Variants in SRGAP1 observed in about 807,000 individuals in gnomAD.
SRGAP1 encodes the protein SLIT-ROBO Rho GTPase activating protein 1.
In SRGAP1, 43 loss-of-function variants were observed where a neutral mutation model predicts 121.9. The ratio of observed to expected loss-of-function variants is 0.35; its 90% CI spans 0.28 to 0.46. SRGAP1 has a LOEUF of 0.46. Among genes scored for constraint, SRGAP1 ranks in the 20% least tolerant of loss-of-function variants. The pLI, the probability that SRGAP1 is intolerant of heterozygous loss-of-function variation, is 1.00. For missense variants in SRGAP1, 1,102 were observed against 1,350.9 expected (o/e 0.82, Z 2.89); for synonymous variants, 447 against 485.4 (o/e 0.92, Z 1.04).
In SRGAP1 at chr12:64,153,852, A is replaced by G. The variant is rs559781358; in HGVS notation, c.*11180A>G. ...AAACAGAAGAGATATTTGCACACTC[A>G]TGTTCACGCAGCTTAATTCACAATA... On this transcript the variant is annotated 3_prime_UTR_variant, in exon 22 of 22. Coordinates refer to ENST00000355086, the MANE Select transcript of SRGAP1 (RefSeq NM_020762.4). 1 of 152,256 alleles carries G rather than the reference A, an allele frequency of 6.6e-6. No homozygotes were observed. Among genetic ancestry groups the G allele is most frequent in the Non-Finnish European group, 1.5e-5 (1 of 68,048 alleles). 9.4% of individuals were successfully genotyped at this position (152,256 alleles called of 1,614,324 possible).
intron 1 of SRGAP1, among the ~76,000 whole-genome samples, chr12:63,972,057 A>C (rs1458573452): frequency 1.3e-5 from 2 of 152,014 alleles, no homozygotes; most frequent in Non-Finnish European, 1.5e-5. Flanking sequence ...AATCCAATCA[A>C]AGTCTCTAAT....
intron 1 of SRGAP1, among the ~76,000 whole-genome samples, chr12:63,868,512 C>T (rs753368136): frequency 1.6e-4 from 24 of 152,104 alleles, no homozygotes; most frequent in Non-Finnish European, 2.2e-4. Flanking sequence ...AGTAGCTGAG[C>T]GCACCAGCAA....
chr12:64,004,201 G>A (rs2034003416), intron 3 of SRGAP1, among the ~76,000 whole-genome samples: 1 of 152,102 alleles, frequency 6.6e-6, no homozygotes, highest in Non-Finnish European at 1.5e-5. Context: ...CTTAGGGTTT[G>A]CAAGTCCAAA....
At chr12:64,131,500 A>G (rs1183368860) in intron 21 of SRGAP1, among the ~76,000 whole-genome samples, 1 of 152,154 alleles carries the variant, frequency 6.6e-6, no homozygotes, top group Admixed American at 6.6e-5. Flanking sequence ...GATGTCCTAG[A>G]AAGGGGCTGT....
intron 4 of SRGAP1, among the ~76,000 whole-genome samples, chr12:64,037,359 G>A (rs2034924226): frequency 6.6e-6 from 1 of 152,190 alleles, no homozygotes; most frequent in Admixed American, 6.5e-5. Context: ...ACAGGGAAAA[G>A]GCCTTATAAC....
chr12:63,861,203 G>T (rs1899435040), intron 1 of SRGAP1, among the ~76,000 whole-genome samples: 1 of 148,410 alleles, frequency 6.7e-6, no homozygotes. Flanking sequence ...AATAGAGACA[G>T]GGATTCACTA....
intron 1 of SRGAP1, chr12:63,879,002 T>C (rs1282144805): frequency 6.6e-6 from 1 of 152,150 alleles, no homozygotes; most frequent in East Asian, 1.9e-4. Flanking sequence ...TTACTGTTAA[T>C]TTACATTTTT....
chr12:63,850,430 ATT>A (rs11326159), intron 1 of SRGAP1, among the ~76,000 whole-genome samples: 64 of 145,218 alleles, frequency 4.4e-4, no homozygotes, highest in Middle Eastern at 6.9e-3. Flanking sequence ...AAATTGGCCA[ATT>A]TTTTTTTTTT....
intron 1 of SRGAP1, chr12:63,887,272 T>C (rs17099886): frequency 0.076 from 11,591 of 152,322 alleles, 511 homozygotes; most frequent in East Asian, 0.14. Context: ...AGGGAAAATC[T>C]AGCTCATAAG....
chr12:63,885,403 C>T (rs929207826), intron 1 of SRGAP1, among the ~76,000 whole-genome samples: 14 of 152,158 alleles, frequency 9.2e-5, no homozygotes, highest in Non-Finnish European at 1.8e-4. Flanking sequence ...CTTCCCTGGG[C>T]ACCACGCTCC....
At chr12:64,055,343 G>A (rs2035320395) in intron 6 of SRGAP1, among the ~76,000 whole-genome samples, 1 of 147,490 alleles carries the variant, frequency 6.8e-6, no homozygotes, top group Admixed American at 6.8e-5. Context: ...ACTGCTCAAG[G>A]AAATAAAAGA....
intron 8 of SRGAP1, 102 bp downstream of exon 8, chr12:64,065,321 T>G: frequency 2.0e-6 from 2 of 989,308 alleles, no homozygotes; most frequent in Non-Finnish European, 1.5e-6. Flanking sequence ...AGATTCAACC[T>G]CTTCATCACG....
chr12:63,913,454 CAT>C (rs570506869), intron 1 of SRGAP1, among the ~76,000 whole-genome samples: 11,418 of 123,942 alleles, frequency 0.092, 665 homozygotes, highest in Middle Eastern at 0.18. Flanking sequence ...ACTGTGTCCA[CAT>C]ATATATATAT....
chr12:64,116,015 G>A lies in SRGAP1; in HGVS notation c.2224+122G>A. ...CCTACCTATAATCCCAGCACGTTGG[G>A]AAGCCAAGGTTGGAGGATCACTTGA... On this transcript the variant is annotated intron_variant, in intron 18 of 21. Transcript: ENST00000355086. 5 of 876,422 alleles carry A rather than the reference G, an allele frequency of 5.7e-6. No individual in the cohort carries two copies. The South Asian group carries it at 8.4e-5, about 15-fold the overall frequency. The allele number at this position is 876,422 out of a possible 1,614,324, so 54.3% of individuals were successfully genotyped here. A position where few individuals can be genotyped will look rare whatever the true frequency, so the allele number is the denominator to read the frequency against.
chr12:63,934,641 C>A (rs934047682), intron 1 of SRGAP1, among the ~76,000 whole-genome samples: 1 of 152,032 alleles, frequency 6.6e-6, no homozygotes. Context: ...AGGATCTGAG[C>A]ACAACCACCA....
At chr12:63,885,962 C>T (rs779028209) in intron 1 of SRGAP1, among the ~76,000 whole-genome samples, 1 of 152,174 alleles carries the variant, frequency 6.6e-6, no homozygotes, top group Non-Finnish European at 1.5e-5. Flanking sequence ...TCCTCATATC[C>T]GAACTGATCA....
Position 63,989,908 on chromosome 12 carries a change from A to G in SRGAP1, c.264-2A>G. The G allele has an allele frequency of 6.3e-7, 1 of 1,595,702 alleles. No homozygotes were observed. The highest frequency in any genetic ancestry group is 8.5e-7 in the Non-Finnish European group (1 of 1,174,246). ...GTAATTCTGTGTTTCTTCACTTCTT[A>G]GGAAAGACCAGAACCTGTTGTCTCC... is the stretch of plus-strand genomic sequence containing the variant. On this transcript the variant is annotated splice_acceptor_variant, in intron 2 of 21. Transcript: ENST00000355086. LOFTEE classifies it high-confidence loss of function.
intron 8 of SRGAP1, among the ~76,000 whole-genome samples, chr12:64,077,416 ATG>A (rs1439754580): frequency 3.3e-5 from 5 of 151,070 alleles, no homozygotes; most frequent in African/African-American, 1.2e-4. Flanking sequence ...TACATGGGTG[ATG>A]CTAAGTGAAT....
chr12:63,863,517 C>T (rs1041779424), intron 1 of SRGAP1, among the ~76,000 whole-genome samples: 1 of 152,160 alleles, frequency 6.6e-6, no homozygotes, highest in African/African-American at 2.4e-5. Flanking sequence ...AGTGATCTGC[C>T]TGCCTTGGCC....
Sources: allele counts gnomAD v4.1 joint callset (sites outside exome capture counted in the v4.1 genomes callset), GRCh38; gene constraint gnomAD v4.1.1; transcripts MANE v1.5; gene names NCBI Gene and HGNC (gene_info 2026-07-23, HGNC 2026-07-21).